Variants in ORC4 observed in about 807,000 individuals in gnomAD.
ORC4 encodes the protein origin recognition complex, subunit 4 homolog.
A neutral mutation model predicts 63.9 loss-of-function variants in ORC4; 55 were observed. The ratio of observed to expected loss-of-function variants is 0.86; its 90% CI spans 0.69 to 1.08. ORC4 has a LOEUF of 1.08. Among genes scored for constraint, ORC4 ranks in the 50% least tolerant of loss-of-function variants. The pLI is 0.00. For synonymous variants in ORC4, 150 were observed against 168.5 expected, an observed-to-expected ratio of 0.89 and a Z score of 0.85; for missense variants, 511 against 504.4, an observed-to-expected ratio of 1.01 and a Z score of -0.13.
intron 4 of ORC4, among the ~76,000 whole-genome samples, chr2:147,969,855 A>C (rs1690108853): frequency 6.6e-6 from 1 of 152,106 alleles, no homozygotes; most frequent in Non-Finnish European, 1.5e-5. Flanking sequence ...TAGTCTATGA[A>C]TAACTAATGC....
chr2:147,956,013 C>A (rs1157549661), intron 6 of ORC4, among the ~76,000 whole-genome samples: 2 of 151,922 alleles, frequency 1.3e-5, no homozygotes, highest in Non-Finnish European at 2.9e-5. Context: ...ATTAAATATT[C>A]TTGATGAAAC....
In ORC4 at chr2:147,932,016, T is replaced by G. The variant is rs983760875; in HGVS notation, c.*3494A>C. On this transcript the variant is annotated 3_prime_UTR_variant, in exon 14 of 14. Transcript: ENST00000392857. ...CAATTAGGAAAAGAGGAAGTCAAATTGTCCGTTTGCAGACGACATGATTGT... is the reference window on the plus strand; with the variant it reads ...CAATTAGGAAAAGAGGAAGTCAAATGGTCCGTTTGCAGACGACATGATTGT... 1 of 152,060 alleles carries G rather than the reference T, an allele frequency of 6.6e-6. No individual in the cohort carries two copies. The highest frequency in any genetic ancestry group is 2.4e-5 in the African/African-American group (1 of 41,398). The allele number at this position is 152,060 out of a possible 1,614,324, so 9.4% of individuals were successfully genotyped here. A position where few individuals can be genotyped will look rare whatever the true frequency, so the allele number is the denominator to read the frequency against.
chr2:147,932,466 A>G lies in ORC4; in HGVS notation c.*3044T>C, dbSNP rs1687824081. ...ATTGGAAAAAACTACTTAAGTTCAT[A>G]TGGAACCAAAAAAGAGCCCACATCG... On this transcript the variant is annotated 3_prime_UTR_variant, in exon 14 of 14. Coordinates refer to ENST00000392857, the MANE Select transcript of ORC4 (RefSeq NM_181741.4). 1 of 152,182 alleles carries G rather than the reference A, an allele frequency of 6.6e-6. No individual in the cohort carries two copies. The highest frequency in any genetic ancestry group is 2.1e-4 in the South Asian group (1 of 4,832). 9.4% of individuals were successfully genotyped at this position (152,182 alleles called of 1,614,324 possible). A position where few individuals can be genotyped will look rare whatever the true frequency, so the allele number is the denominator to read the frequency against.
intron 1 of ORC4, among the ~76,000 whole-genome samples, chr2:147,988,525 T>C (rs1482360083): frequency 6.6e-6 from 1 of 151,992 alleles, no homozygotes; most frequent in Non-Finnish European, 1.5e-5. Context: ...GCCTGGCTAA[T>C]TTTTGCATTT....
rs1264114603 is a variant in ORC4 at position 147,935,613 on chromosome 2, T to C, written c.1208A>G (p.Lys403Arg). The change falls in exon 14 of 14, where the codon AAA becomes AGA. Residue 403 changes from lysine to arginine, a missense_variant. Coordinates refer to ENST00000392857, the MANE Select transcript of ORC4 (RefSeq NM_181741.4). ...AATTTGAGTATTATCCAAAAGCAGT[T>C]TCATCAGCTGGTACTCTCTCTGTGA... is the stretch of plus-strand genomic sequence containing the variant. ...GNSQREYQLM[K>R]LLLDNTQIMN... is the part of the protein sequence containing the mutation. 3.7e-6 allele frequency: 6 copies of C among 1,613,662 alleles called. No homozygotes were observed. In the Middle Eastern group the frequency reaches 5.0e-4, roughly 134 times the overall value.
At chr2:148,006,576 T>C (rs574134503) in intron 1 of ORC4, among the ~76,000 whole-genome samples, 84 of 152,276 alleles carry the variant, frequency 5.5e-4, no homozygotes, top group African/African-American at 1.9e-3. Flanking sequence ...AACCGGAGTA[T>C]TGGTTCAGTC....
At chr2:148,008,584 C>T (rs1490001677) in intron 1 of ORC4, among the ~76,000 whole-genome samples, 1 of 152,152 alleles carries the variant, frequency 6.6e-6, no homozygotes, top group Non-Finnish European at 1.5e-5. Context: ...TGATCATCTG[C>T]TCCACCCAAC....
chr2:148,018,126 G>C lies in ORC4; in HGVS notation c.-18+2507C>G, dbSNP rs535563465. ...AACAAACAAAAAAACCTCCCAAAAA[G>C]ATTTAAAAAGACAATGCACAAAAGA... On this transcript the variant is annotated intron_variant, in intron 1 of 13. Transcript: ENST00000392857. Among the ~76,000 whole-genome samples the C allele has an allele frequency of 7.9e-5, 12 of 152,134 alleles. No individual in the cohort carries two copies. The South Asian group carries it at 2.5e-3, about 32-fold the overall frequency.
At chr2:147,976,787 GCTA>G (rs1167620685) in intron 1 of ORC4, among the ~76,000 whole-genome samples, 1 of 151,890 alleles carries the variant, frequency 6.6e-6, no homozygotes, top group Admixed American at 6.6e-5. Context: ...CTGTTTAATT[GCTA>G]CTGTTTCCAA....
intron 1 of ORC4, among the ~76,000 whole-genome samples, chr2:147,980,726 T>G (rs1196445955): frequency 6.6e-6 from 1 of 152,182 alleles, no homozygotes; most frequent in East Asian, 1.9e-4. Context: ...TGAGTGTTGT[T>G]GAGGATTATG....
chr2:147,977,245 T>C (rs1211234190), intron 1 of ORC4, among the ~76,000 whole-genome samples: 2 of 152,160 alleles, frequency 1.3e-5, no homozygotes, highest in African/African-American at 2.4e-5. Flanking sequence ...TTTAAAAAAG[T>C]GTATTCTGGT....
chr2:147,993,309 A>G (rs1209637000), intron 1 of ORC4, among the ~76,000 whole-genome samples: 1 of 152,152 alleles, frequency 6.6e-6, no homozygotes, highest in Admixed American at 6.5e-5. Context: ...CCCCTACAAT[A>G]TGCTACAACT....
chr2:147,958,146 C>CGTAT (rs1343937467), intron 6 of ORC4, 152 bp downstream of exon 6: 2 of 594,590 alleles, frequency 3.4e-6, no homozygotes, highest in Non-Finnish European at 5.9e-6. Context: ...TAAATGTATC[C>CGTAT]TATACATTAC....
At chr2:147,937,037 AAAATTTAAATAC>A (rs1394756591) in intron 13 of ORC4, 1 of 151,172 alleles carries the variant, frequency 6.6e-6, no homozygotes, top group Non-Finnish European at 1.5e-5. Context: ...AAAAAAAAAA[AAAATTTAAATAC>A]TTGGGTAACC....
At position 147,958,685 on chromosome 2, in the gene ORC4, C is replaced by A. The variant is rs1689404321; in HGVS notation, c.301+106G>T. On this transcript the variant is annotated intron_variant, in intron 5 of 13. Transcript: ENST00000392857. Reference sequence around the variant, plus strand: ...ATGGTGTGCTAAGTAAAACATGGATCTAGTTTTCAAAATCTAACTATTAAA... The same window carrying A: ...ATGGTGTGCTAAGTAAAACATGGATATAGTTTTCAAAATCTAACTATTAAA... 8 of 683,456 alleles carry A rather than the reference C, an allele frequency of 1.2e-5. No individual in the cohort carries two copies. In the South Asian group the frequency reaches 1.4e-4, roughly 12 times the overall value. 42.3% of individuals were successfully genotyped at this position (683,456 alleles called of 1,614,324 possible). A position where few individuals can be genotyped will look rare whatever the true frequency, so the allele number is the denominator to read the frequency against.
chr2:147,971,469 A>G (rs2105346461), intron 4 of ORC4, among the ~76,000 whole-genome samples: 1 of 152,010 alleles, frequency 6.6e-6, no homozygotes, highest in East Asian at 1.9e-4. Context: ...AAGACACCTC[A>G]CCAAACATAT....
intron 9 of ORC4, chr2:147,947,769 C>A: frequency 5.4e-6 from 1 of 185,724 alleles, no homozygotes; most frequent in Non-Finnish European, 1.1e-5. Context: ...AAATATAAAC[C>A]ACATACAGAT....
intron 1 of ORC4, among the ~76,000 whole-genome samples, chr2:148,013,699 T>C (rs1036197312): frequency 4.6e-5 from 7 of 152,114 alleles, no homozygotes; most frequent in African/African-American, 1.7e-4. Flanking sequence ...ATTTTATGTA[T>C]CCATAGTAAT....
intron 1 of ORC4, among the ~76,000 whole-genome samples, chr2:147,997,865 T>C (rs1692063739): frequency 6.6e-6 from 1 of 152,204 alleles, no homozygotes; most frequent in Non-Finnish European, 1.5e-5. Flanking sequence ...TAAATTATGA[T>C]GCTAAAATTC....
Sources: allele counts gnomAD v4.1 joint callset (sites outside exome capture counted in the v4.1 genomes callset), GRCh38; gene constraint gnomAD v4.1.1; transcripts MANE v1.5; gene names NCBI Gene and HGNC (gene_info 2026-07-23, HGNC 2026-07-21).